Variants in DNAH5 observed in about 807,000 individuals in gnomAD.
The protein encoded by DNAH5 is dynein axonemal heavy chain 5, also known as axonemal beta dynein heavy chain 5.
In DNAH5, 372 loss-of-function variants were observed where a neutral mutation model predicts 518.2. That is an observed-to-expected ratio of 0.72 (90% CI 0.66 to 0.78). The LOEUF (loss-of-function observed/expected upper bound fraction) is 0.78. Among genes scored for constraint, DNAH5 ranks in the 30% least tolerant of loss-of-function variants. DNAH5 has a pLI of 0.00. For missense variants in DNAH5, 5,523 were observed against 5,687.0 expected (o/e 0.97, Z 0.93); for synonymous variants, 2,039 against 2,025.9 (o/e 1.01, Z -0.17).
chr5:13,937,462 C>T (rs1379885210), intron 1 of DNAH5, among the ~76,000 whole-genome samples: 1 of 151,316 alleles, frequency 6.6e-6, no homozygotes, highest in Non-Finnish European at 1.5e-5. Flanking sequence ...ATAACACCCT[C>T]ACCCCATCTT....
intron 42 of DNAH5, among the ~76,000 whole-genome samples, chr5:13,817,023 C>G (rs568059276): frequency 6.6e-6 from 1 of 152,266 alleles, no homozygotes; most frequent in East Asian, 1.9e-4. Flanking sequence ...CAGACTGAAC[C>G]GCTAGCCCTT....
intron 59 of DNAH5, among the ~76,000 whole-genome samples, chr5:13,765,210 C>CT (rs1001652807): frequency 4.0e-5 from 6 of 151,246 alleles, no homozygotes; most frequent in South Asian, 2.1e-4. Flanking sequence ...CTTTTTTTTT[C>CT]TTTTTTTTGT....
At chr5:13,788,628 C>A (rs1447098155) in intron 51 of DNAH5, 88 bp downstream of exon 51, 1 of 1,149,598 alleles carries the variant, frequency 8.7e-7, no homozygotes, top group Non-Finnish European at 1.3e-6. Flanking sequence ...GAAAGAAACT[C>A]AACATCCATA....
intron 67 of DNAH5, 41 bp from the exon 68 acceptor site, chr5:13,735,362 C>T (rs1307247576): frequency 1.3e-6 from 2 of 1,576,882 alleles, no homozygotes; most frequent in Admixed American, 1.7e-5. Flanking sequence ...TCCCACTGCC[C>T]TTTTCAATTG....
At chr5:13,780,592 T>C (rs1303879872) in intron 53 of DNAH5, among the ~76,000 whole-genome samples, 2 of 152,186 alleles carry the variant, frequency 1.3e-5, no homozygotes, top group East Asian at 1.9e-4. Flanking sequence ...ATATATAACA[T>C]AAAAGTAGGG....
In DNAH5 at chr5:13,917,403, T is replaced by C. The variant is rs955854166; in HGVS notation, c.976-147A>G. ...CTGAATCCAGAGGGGCGAGAGATAT[T>C]GCTATGCTGGAAAGCAATTTAAAAT... On this transcript the variant is annotated intron_variant, in intron 7 of 78. Coordinates refer to ENST00000265104, the MANE Select transcript of DNAH5 (RefSeq NM_001369.3). 2.9e-5 allele frequency: 20 copies of C among 683,156 alleles called. No individual in the cohort carries two copies. In the Admixed American group the frequency reaches 3.5e-4, roughly 12 times the overall value. 42.3% of individuals were successfully genotyped at this position (683,156 alleles called of 1,614,324 possible). A position where few individuals can be genotyped will look rare whatever the true frequency, so the allele number is the denominator to read the frequency against.
chr5:13,873,504 T>A (rs559742603), intron 22 of DNAH5, among the ~76,000 whole-genome samples: 1 of 152,270 alleles, frequency 6.6e-6, no homozygotes, highest in South Asian at 2.1e-4. Flanking sequence ...TTTATTGTAT[T>A]CTATGAAAAA....
At chr5:13,765,875 T>G in intron 59 of DNAH5, 101 bp downstream of exon 59, 1 of 1,183,866 alleles carries the variant, frequency 8.4e-7, no homozygotes, top group Non-Finnish European at 1.3e-6. Context: ...AAATCATGTA[T>G]GTAGAGTAAG....
In DNAH5 at chr5:13,792,023, T is replaced by C. The variant is rs1320940768; in HGVS notation, c.8419A>G (p.Thr2807Ala). Residue 2807 changes from threonine (T) to alanine (A), a missense_variant, in exon 50 of 79, where the codon ACT becomes GCT. Transcript: ENST00000265104. The stretch of plus-strand genomic sequence containing the variant: ...GGTTCCTTGATGACCTCTGAAGTAG[T>C]GTTCAGCATTCCCTGCCAGACCCGA... ...LSRVWQGMLNTTSEVIKEPND... is the reference protein window; with the variant it reads ...LSRVWQGMLNATSEVIKEPND... 1 of 1,614,048 alleles carries C rather than the reference T, an allele frequency of 6.2e-7. No individual in the cohort carries two copies. Among genetic ancestry groups the C allele is most frequent in the Non-Finnish European group, 8.5e-7 (1 of 1,179,964 alleles).
rs74377312 is a variant in DNAH5, at chr5:13,700,618, C to T, written c.13723+22G>A. ...TCCAAACGAACAATGCGAGCCCTTA[C>T]TGAAGGTACAAGACAACTTACTATT... On this transcript the variant is annotated intron_variant, in intron 78 of 78. Coordinates refer to ENST00000265104, the MANE Select transcript of DNAH5 (RefSeq NM_001369.3). 1.2e-3 allele frequency: 1,884 copies of T among 1,600,204 alleles called. 20 individuals are homozygous for T. The African/African-American group carries it at 0.022, about 19-fold the overall frequency.
At chr5:13,798,590 A>G (rs1450863694) in intron 47 of DNAH5, among the ~76,000 whole-genome samples, 1 of 152,140 alleles carries the variant, frequency 6.6e-6, no homozygotes, top group Admixed American at 6.5e-5. Context: ...CATGACAAAG[A>G]ACAAACCAGT....
intron 36 of DNAH5, among the ~76,000 whole-genome samples, 170 bp downstream of exon 36, chr5:13,830,427 A>G (rs1396084835): frequency 6.6e-6 from 1 of 152,136 alleles, no homozygotes; most frequent in Non-Finnish European, 1.5e-5. Flanking sequence ...AAAAAAAGTC[A>G]GGAGGAAGTA....
chr5:13,918,761 C>A (rs1561570947), intron 7 of DNAH5, among the ~76,000 whole-genome samples: 1 of 152,198 alleles, frequency 6.6e-6, no homozygotes, highest in Non-Finnish European at 1.5e-5. Flanking sequence ...AGCCACCACG[C>A]CTGGCCTATT....
At chr5:13,753,815 CTAAGTT>C (rs1032164840) in intron 62 of DNAH5, among the ~76,000 whole-genome samples, 10 of 152,116 alleles carry the variant, frequency 6.6e-5, no homozygotes, top group African/African-American at 2.4e-4. Flanking sequence ...AAGATGACCT[CTAAGTT>C]TAAGAGAATA....
chr5:13,709,279 C>G (rs1025158735), intron 75 of DNAH5, among the ~76,000 whole-genome samples: 31 of 152,082 alleles, frequency 2.0e-4, no homozygotes, highest in African/African-American at 7.0e-4. Context: ...AATAGGGTGG[C>G]TCATGTTAGA....
At chr5:13,891,678 T>C (rs1332162920) in intron 16 of DNAH5, among the ~76,000 whole-genome samples, 1 of 152,256 alleles carries the variant, frequency 6.6e-6, no homozygotes, top group African/African-American at 2.4e-5. Flanking sequence ...TCATATTTTT[T>C]ATCCTTACAT....
chr5:13,882,355 T>TAAA (rs749877963), intron 21 of DNAH5, among the ~76,000 whole-genome samples: 1 of 138,602 alleles, frequency 7.2e-6, no homozygotes. Context: ...CACTACAATT[T>TAAA]AAAAAAAAAA....
At chr5:13,767,876 CATT>C (rs1405610157) in intron 58 of DNAH5, among the ~76,000 whole-genome samples, 1 of 152,168 alleles carries the variant, frequency 6.6e-6, no homozygotes, top group Non-Finnish European at 1.5e-5. Flanking sequence ...GTTAAAGTCA[CATT>C]AATATCAAGA....
At chr5:13,735,965 C>T (rs767217387) in intron 66 of DNAH5, 33 bp from the exon 67 acceptor site, 52 of 1,524,842 alleles carry the variant, frequency 3.4e-5, no homozygotes, top group South Asian at 2.8e-4. Context: ...GCATGTGCTA[C>T]GAGAGAGGAA....
Sources: gnomAD v4.1 joint callset for allele counts (sites outside exome capture counted in the v4.1 genomes callset) on GRCh38, gnomAD v4.1.1 for gene constraint, MANE v1.5 for transcripts, NCBI Gene and HGNC (gene_info 2026-07-23, HGNC 2026-07-21) for gene names.